The following PCLO variants were observed in gnomAD, a reference collection of about 807,000 sequenced individuals.
PCLO encodes piccolo presynaptic cytomatrix protein.
Under a neutral mutation model 427.5 loss-of-function variants are expected in PCLO, and 82 were observed. That is an observed-to-expected ratio of 0.19 (90% CI 0.16 to 0.23). PCLO has a LOEUF of 0.23. PCLO is among the 10% of genes least tolerant of loss of function. PCLO has a pLI of 1.00. For synonymous variants in PCLO, 2,357 were observed against 2,155.4 expected, an observed-to-expected ratio of 1.09 and a Z score of -2.59; for missense variants, 6,239 against 6,115.9, an observed-to-expected ratio of 1.02 and a Z score of -0.67.
In PCLO at chr7:82,953,723, G is replaced by C. The variant is rs1285566722; in HGVS notation, c.7230C>G (p.Pro2410=). The part of the protein sequence containing the change: ...DISAQPPPPP[P]PPPPPPPPPP... ...GTGGAGGAGGAGGAGGAGGGGGAGG[G>C]GGAGGAGGGGGAGGAGGTTGAGCTG... Residue 2410 remains proline (P), a synonymous_variant, in exon 5 of 25, where the codon CCC becomes CCG. Coordinates refer to ENST00000333891, the MANE Select transcript of PCLO (RefSeq NM_033026.6). 8.9e-7 allele frequency: 1 copy of C among 1,123,716 alleles called. No homozygotes were observed. 69.6% of individuals were successfully genotyped at this position (1,123,716 alleles called of 1,614,324 possible).
At position 82,915,999 on chromosome 7, in the gene PCLO, G is replaced by T. The variant is rs1794449895; in HGVS notation, c.11987C>A (p.Thr3996Lys). 6.2e-7 allele frequency: 1 copy of T among 1,612,682 alleles called. No individual in the cohort carries two copies. The change falls in exon 7 of 25, where the codon ACA (threonine) becomes AAA (lysine). Residue 3996 changes from threonine to lysine, a missense_variant. Around this residue, in one of 5 missense-constraint regions of PCLO, gnomAD observed 680 missense variants for 677.3 expected, o/e 1.00. Coordinates refer to ENST00000333891, the MANE Select transcript of PCLO (RefSeq NM_033026.6). ...ACTACCAAGATGGGAAACAGCAAATGTGTTATCCGTAGAAACAGGTGCTAT... is the reference window on the plus strand; with the variant it reads ...ACTACCAAGATGGGAAACAGCAAATTTGTTATCCGTAGAAACAGGTGCTAT... ...LMIAPVSTDN[T>K]FAVSHLGSKY...
At chr7:82,777,193 C>T (rs1790772008) in intron 22 of PCLO, among the ~76,000 whole-genome samples, 1 of 151,916 alleles carries the variant, frequency 6.6e-6, no homozygotes, top group South Asian at 2.1e-4. Flanking sequence ...ATACAGCTAA[C>T]CAGGGAGGTG....
At chr7:82,892,715 T>C (rs1294054320) in intron 9 of PCLO, among the ~76,000 whole-genome samples, 1 of 151,736 alleles carries the variant, frequency 6.6e-6, no homozygotes, top group Non-Finnish European at 1.5e-5. Context: ...TACAATGAAC[T>C]CAAACAAATT....
intron 3 of PCLO, among the ~76,000 whole-genome samples, chr7:82,984,918 T>C (rs1238960937): frequency 1.3e-5 from 2 of 152,050 alleles, no homozygotes; most frequent in African/African-American, 4.8e-5. Flanking sequence ...ATTAGAAATA[T>C]TCTTAGAGTA....
chr7:82,804,841 G>A (rs893135263), intron 21 of PCLO, among the ~76,000 whole-genome samples: 18 of 152,088 alleles, frequency 1.2e-4, no homozygotes, highest in African/African-American at 4.3e-4. Context: ...TTAGCTCACA[G>A]GTCTTAGAAA....
intron 3 of PCLO, among the ~76,000 whole-genome samples, chr7:83,005,051 T>C (rs530805623): frequency 8.9e-4 from 127 of 143,318 alleles, no homozygotes; most frequent in African/African-American, 3.1e-3. Context: ...GAAGATACAT[T>C]GTAGGAGGGA....
intron 4 of PCLO, among the ~76,000 whole-genome samples, chr7:82,959,058 C>T (rs1795597645): frequency 6.6e-6 from 1 of 151,936 alleles, no homozygotes; most frequent in African/African-American, 2.4e-5. Flanking sequence ...CATGTGTATT[C>T]TTATTTTTCT....
At chr7:82,798,535 A>G (rs1791276154) in intron 22 of PCLO, among the ~76,000 whole-genome samples, 1 of 152,168 alleles carries the variant, frequency 6.6e-6, no homozygotes, top group East Asian at 1.9e-4. Flanking sequence ...ACGTGGACAA[A>G]ACAAAATCTT....
chr7:83,127,514 G>A (rs1791466855), intron 3 of PCLO, among the ~76,000 whole-genome samples: 1 of 152,014 alleles, frequency 6.6e-6, no homozygotes, highest in Admixed American at 6.6e-5. Flanking sequence ...TCACTACTCT[G>A]TGGATTGTAA....
In PCLO at chr7:82,835,665, A is replaced by G; in HGVS notation, c.14249+2T>C. On this transcript the variant is annotated splice_donor_variant, in intron 16 of 24. Transcript: ENST00000333891. LOFTEE classifies it high-confidence loss of function. ...TTGACACTGAAAGAGAAACAACTCT[A>G]CCTTGCATTCTGGACAACCATGACT... is the stretch of plus-strand genomic sequence containing the variant. 6.2e-7 allele frequency: 1 copy of G among 1,608,882 alleles called. No homozygotes were observed. The highest frequency in any genetic ancestry group is 8.5e-7 in the Non-Finnish European group (1 of 1,177,212).
At chr7:83,098,605 G>C (rs1343217423) in intron 3 of PCLO, among the ~76,000 whole-genome samples, 1 of 151,322 alleles carries the variant, frequency 6.6e-6, no homozygotes, top group Non-Finnish European at 1.5e-5. Context: ...ACATTAAATA[G>C]TCCCAAACTA....
chr7:82,799,151 TTAAG>T (rs1791289349), intron 22 of PCLO, among the ~76,000 whole-genome samples: 1 of 152,176 alleles, frequency 6.6e-6, no homozygotes, highest in Non-Finnish European at 1.5e-5. Context: ...AAAGGTAAAA[TTAAG>T]TAGCTAAAAC....
intron 22 of PCLO, among the ~76,000 whole-genome samples, chr7:82,766,298 T>G (rs893053682): frequency 2.6e-5 from 4 of 152,106 alleles, no homozygotes; most frequent in Admixed American, 2.6e-4. Context: ...AGGGGAAATA[T>G]GTAAAGCTTA....
chr7:82,872,451 GA>G (rs893347701), intron 10 of PCLO, among the ~76,000 whole-genome samples: 18 of 151,802 alleles, frequency 1.2e-4, no homozygotes, highest in African/African-American at 4.1e-4. Context: ...AAAGAAAGAG[GA>G]ACAAGTATGT....
At chr7:83,075,407 G>A (rs1247154241) in intron 3 of PCLO, among the ~76,000 whole-genome samples, 1 of 152,060 alleles carries the variant, frequency 6.6e-6, no homozygotes, top group Non-Finnish European at 1.5e-5. Flanking sequence ...AGATGAGTTG[G>A]TCTTTTGTTT....
At position 82,845,290 on chromosome 7, in the gene PCLO, T is replaced by G; in HGVS notation, c.14027A>C (p.Lys4676Thr). The change falls in exon 13 of 25, where the codon AAG (lysine) becomes ACG (threonine). Residue 4676 changes from lysine (K) to threonine (T), a missense_variant. By Grantham distance (78) the Lys-to-Thr change is moderately conservative. Coordinates refer to ENST00000333891, the MANE Select transcript of PCLO (RefSeq NM_033026.6). ...GQPGSPSVSKKKHGSSKPTDG... is the reference protein window; with the variant it reads ...GQPGSPSVSKTKHGSSKPTDG... ...CCTCACCTTGCTGCTGCCGTGCTTC[T>G]TTTTGCTCACTGAGGGGGACCCTGG... 1 of 1,613,320 alleles carries G rather than the reference T, an allele frequency of 6.2e-7. No individual in the cohort carries two copies. Among genetic ancestry groups the G allele is most frequent in the South Asian group, 1.1e-5 (1 of 91,066 alleles).
At chr7:83,037,975 G>A (rs1406297871) in intron 3 of PCLO, among the ~76,000 whole-genome samples, 2 of 89,686 alleles carry the variant, frequency 2.2e-5, no homozygotes, top group East Asian at 8.0e-4. Flanking sequence ...TTGTGTGGAG[G>A]TGTAAGGAGG....
chr7:83,123,822 T>G (rs1402033885), intron 3 of PCLO, among the ~76,000 whole-genome samples: 1 of 152,034 alleles, frequency 6.6e-6, no homozygotes, highest in Non-Finnish European at 1.5e-5. Context: ...TCAGGCGCAG[T>G]GGCTCACGCC....
At chr7:82,766,898 A>T (rs763857608) in intron 22 of PCLO, among the ~76,000 whole-genome samples, 11 of 152,124 alleles carry the variant, frequency 7.2e-5, no homozygotes, top group Non-Finnish European at 1.3e-4. Flanking sequence ...CTGTTCAAAG[A>T]TTGAACGAGC....
Sources: gnomAD v4.1 joint callset for allele counts (sites outside exome capture counted in the v4.1 genomes callset) on GRCh38, gnomAD v4.1.1 for gene constraint, gnomAD v4.1.1 regional missense constraint, MANE v1.5 for transcripts, NCBI Gene and HGNC (gene_info 2026-07-23, HGNC 2026-07-21) for gene names.